LIPI: variants seen among roughly 807,000 people sequenced by gnomAD.
LIPI encodes the protein lipase I, also known as lipase member I.
LIPI carries 59 observed loss-of-function variants against 50.6 expected under a neutral mutation model. That is an observed-to-expected ratio of 1.16 (90% CI 0.94 to 1.45). The LOEUF is 1.45. LIPI is among the 40% of genes most tolerant of loss of function. LIPI has a pLI of 0.00. For missense variants in LIPI, 586 were observed against 536.3 expected (o/e 1.09, Z -0.92); for synonymous variants, 203 against 178.2 (o/e 1.14, Z -1.11).
chr21:14,158,685 G>C (rs1392750579), intron 7 of LIPI, among the ~76,000 whole-genome samples: 1 of 148,518 alleles, frequency 6.7e-6, no homozygotes, highest in Admixed American at 6.8e-5. Flanking sequence ...AACAGAACAT[G>C]ATAGAAAATT....
At chr21:14,160,834 A>T (rs2018435669) in intron 7 of LIPI, among the ~76,000 whole-genome samples, 1 of 151,452 alleles carries the variant, frequency 6.6e-6, no homozygotes, top group Non-Finnish European at 1.5e-5. Context: ...TCCAAAAGAC[A>T]CGAATACACA....
intron 8 of LIPI, among the ~76,000 whole-genome samples, chr21:14,146,022 AT>A (rs2017891234): frequency 6.6e-6 from 1 of 152,088 alleles, no homozygotes; most frequent in Admixed American, 6.6e-5. Flanking sequence ...ACATATCCAA[AT>A]TTTTCAGTGA....
At position 14,131,993 on chromosome 21, in the gene LIPI, G is replaced by C. The variant is rs537621228; in HGVS notation, c.1295+12630C>G. On this transcript the variant is annotated intron_variant, in intron 9 of 9. Coordinates refer to ENST00000681601, the MANE Select transcript of LIPI (RefSeq NM_001302998.2). Reference sequence around the variant, plus strand: ...AAAGAATCTCAGAACTCAAAGATACGTTTTTAAAAATAATCCAGTCGGGCA... The same window carrying C: ...AAAGAATCTCAGAACTCAAAGATACCTTTTTAAAAATAATCCAGTCGGGCA... Among the ~76,000 whole-genome samples, 19 of 152,202 alleles carry C rather than the reference G, an allele frequency of 1.2e-4. 2 individuals are homozygous for C. The highest frequency in any genetic ancestry group is 1.2e-3 in the South Asian group (6 of 4,824).
intron 9 of LIPI, among the ~76,000 whole-genome samples, chr21:14,128,062 G>C (rs2122979927): frequency 6.6e-6 from 1 of 152,086 alleles, no homozygotes; most frequent in South Asian, 2.1e-4. Flanking sequence ...ATAACGTTGT[G>C]TTCACCTTGT....
At chr21:14,158,396 A>G (rs1385189980) in intron 7 of LIPI, among the ~76,000 whole-genome samples, 14 of 151,682 alleles carry the variant, frequency 9.2e-5, no homozygotes, top group African/African-American at 1.2e-4. Context: ...AGAATAAAAA[A>G]GATACAACAT....
At chr21:14,142,942 C>A (rs1181621891) in intron 9 of LIPI, among the ~76,000 whole-genome samples, 3 of 152,090 alleles carry the variant, frequency 2.0e-5, no homozygotes, top group Non-Finnish European at 4.4e-5. Flanking sequence ...AAGATGTGAA[C>A]TTTAATCAGC....
At chr21:14,180,426 C>A (rs1251573767) in intron 4 of LIPI, among the ~76,000 whole-genome samples, 2 of 152,150 alleles carry the variant, frequency 1.3e-5, no homozygotes, top group Non-Finnish European at 2.9e-5. Flanking sequence ...TGTGATGTCA[C>A]CCCTGGTGGA....
chr21:14,150,929 C>T (rs1057242304), intron 8 of LIPI, among the ~76,000 whole-genome samples: 3 of 152,122 alleles, frequency 2.0e-5, no homozygotes, highest in Non-Finnish European at 2.9e-5. Flanking sequence ...CAGTTCTATA[C>T]GACTGTTAAA....
intron 4 of LIPI, among the ~76,000 whole-genome samples, chr21:14,171,352 T>C (rs996130956): frequency 1.5e-4 from 22 of 146,258 alleles, no homozygotes; most frequent in African/African-American, 5.0e-4. Context: ...CTTCACAGAA[T>C]TGGAAAAAAC....
Position 14,109,068 on chromosome 21 carries a change from G to A in LIPI, c.1308C>T (p.Cys436=). Residue 436 remains cysteine, a synonymous_variant, in exon 10 of 10, where the codon TGC becomes TGT. Transcript: ENST00000681601. The stretch of plus-strand genomic sequence containing the variant: ...TGTCTTTAAGTACAATATTATACCT[G>A]CAAAGTGGTGGTCTGAGAAAGAGAA... ...SLTYPERPPL[C]RYNIVLKDRE... 6.3e-7 allele frequency: 1 copy of A among 1,594,766 alleles called. No individual in the cohort carries two copies. Among genetic ancestry groups the A allele is most frequent in the African/African-American group, 1.3e-5 (1 of 74,594 alleles).
At chr21:14,164,948 T>A (rs182168254) in intron 6 of LIPI, among the ~76,000 whole-genome samples, 223 of 152,246 alleles carry the variant, frequency 1.5e-3, no homozygotes, top group Non-Finnish European at 2.7e-3. Context: ...TTTTTGTACA[T>A]CAGGAACAAG....
At chr21:14,148,147 G>C (rs749511590) in intron 8 of LIPI, among the ~76,000 whole-genome samples, 1 of 151,934 alleles carries the variant, frequency 6.6e-6, no homozygotes, top group Non-Finnish European at 1.5e-5. Context: ...TCCTAATTTT[G>C]CTAAATAAAA....
chr21:14,118,618 A>C (rs1361321730), intron 9 of LIPI, among the ~76,000 whole-genome samples: 1 of 152,158 alleles, frequency 6.6e-6, no homozygotes, highest in East Asian at 1.9e-4. Flanking sequence ...ATGAATGGAG[A>C]CTTCATGAAA....
rs2123061315 is a variant in LIPI at position 14,144,739 on chromosome 21, G to A, written c.1179C>T (p.Asp393=). ...AACCAATGCTTGAAATATTTACAAAGTCATTATAAAATTGAGCAAGAATCT... is the reference window on the plus strand; with the variant it reads ...AACCAATGCTTGAAATATTTACAAAATCATTATAAAATTGAGCAAGAATCT... The part of the protein sequence containing the change: ...EVKILAQFYN[D]FVNISSIGLT... Residue 393 remains aspartate (D), a synonymous_variant, in exon 9 of 10, where the codon GAC becomes GAT. Transcript: ENST00000681601. 1.9e-6 allele frequency: 3 copies of A among 1,577,998 alleles called. No homozygotes were observed. Among genetic ancestry groups the A allele is most frequent in the Non-Finnish European group, 2.6e-6 (3 of 1,147,844 alleles).
intron 1 of LIPI, among the ~76,000 whole-genome samples, chr21:14,197,298 G>A (rs1452845117): frequency 6.6e-6 from 1 of 151,904 alleles, no homozygotes; most frequent in African/African-American, 2.4e-5. Context: ...TATAAAAAGT[G>A]CTATCATACT....
At chr21:14,208,351 C>T (rs1301270286) in intron 1 of LIPI, among the ~76,000 whole-genome samples, 3 of 152,166 alleles carry the variant, frequency 2.0e-5, no homozygotes, top group Non-Finnish European at 4.4e-5. Flanking sequence ...TCACATACTA[C>T]AAGTTCTGTG....
intron 1 of LIPI, among the ~76,000 whole-genome samples, chr21:14,192,472 C>G (rs917309911): frequency 1.3e-5 from 2 of 151,892 alleles, no homozygotes; most frequent in Non-Finnish European, 2.9e-5. Context: ...TCAAAACAAA[C>G]AAAGAAACAA....
rs1427333262 is a variant in LIPI, at chr21:14,144,631, G to A, written c.1287C>T (p.Tyr429=). Residue 429 remains tyrosine, a synonymous_variant, in exon 9 of 10, where the codon TAC becomes TAT. Transcript: ENST00000681601. ...IQSLMLKSLT[Y]PERPPLCRYN... ...AAATTTAATTTTCTTACCTTTCTGG[G>A]TATGTAAGTGATTTTAACATGAGAC... The A allele has an allele frequency of 2.0e-6, 3 of 1,513,740 alleles. No homozygotes were observed. Among genetic ancestry groups the A allele is most frequent in the Non-Finnish European group, 1.8e-6 (2 of 1,092,760 alleles). The allele number at this position is 1,513,740 out of a possible 1,614,324, so 93.8% of individuals were successfully genotyped here.
At chr21:14,164,350 G>A (rs773925496) in intron 6 of LIPI, among the ~76,000 whole-genome samples, 2 of 152,114 alleles carry the variant, frequency 1.3e-5, no homozygotes, top group Non-Finnish European at 2.9e-5. Context: ...CAGGAGGTCT[G>A]AAGAAAACTA....
Sources: gnomAD v4.1 joint callset for allele counts (sites outside exome capture counted in the v4.1 genomes callset) on GRCh38, gnomAD v4.1.1 for gene constraint, MANE v1.5 for transcripts, NCBI Gene and HGNC (gene_info 2026-07-23, HGNC 2026-07-21) for gene names.